The following BIRC6 variants were observed in gnomAD, a reference collection of about 807,000 sequenced individuals.
BIRC6 encodes baculoviral IAP repeat containing 6, also known as dual E2 ubiquitin-conjugating enzyme/E3 ubiquitin-protein ligase BIRC6.
A neutral mutation model predicts 503.3 loss-of-function variants in BIRC6; 98 were observed. That is an observed-to-expected ratio of 0.19 (90% CI 0.17 to 0.23). The LOEUF (loss-of-function observed/expected upper bound fraction) is 0.23, where lower values mean the gene tolerates loss of function less well. Among genes scored for constraint, BIRC6 ranks in the 10% least tolerant of loss-of-function variants. The pLI, the probability that BIRC6 is intolerant of heterozygous loss-of-function variation, is 1.00. For missense variants in BIRC6, 5,360 were observed against 5,806.0 expected (o/e 0.92, Z 2.50); for synonymous variants, 2,240 against 2,078.7 (o/e 1.08, Z -2.11).
chr2:32,489,111 G>A (rs2051368267), intron 42 of BIRC6, among the ~76,000 whole-genome samples: 1 of 152,034 alleles, frequency 6.6e-6, no homozygotes, highest in African/African-American at 2.4e-5. Context: ...GTTTCCTGTG[G>A]AAGTTGTGTG....
intron 51 of BIRC6, 102 bp from the exon 52 acceptor site, chr2:32,509,636 C>G (rs144078962): frequency 1.5e-6 from 2 of 1,308,992 alleles, no homozygotes; most frequent in Non-Finnish European, 2.1e-6. Context: ...TTGGTTAATG[C>G]TGTTTATGAA....
At chr2:32,461,943 C>T (rs1274521542) in intron 23 of BIRC6, among the ~76,000 whole-genome samples, 5 of 151,846 alleles carry the variant, frequency 3.3e-5, no homozygotes, top group East Asian at 1.9e-4. Flanking sequence ...AACACTATGC[C>T]CTTCATTGGC....
intron 65 of BIRC6, among the ~76,000 whole-genome samples, chr2:32,554,745 C>CTT (rs1053234761): frequency 8.1e-5 from 12 of 148,014 alleles, no homozygotes; most frequent in African/African-American, 3.0e-4. Context: ...GTTTAAAGCT[C>CTT]TTTTTTTTTT....
At chr2:32,574,372 C>T (rs1189676994) in intron 65 of BIRC6, among the ~76,000 whole-genome samples, 1 of 151,994 alleles carries the variant, frequency 6.6e-6, no homozygotes, top group Non-Finnish European at 1.5e-5. Flanking sequence ...CCCACCTTGG[C>T]CTCCCAAAGG....
intron 10 of BIRC6, among the ~76,000 whole-genome samples, chr2:32,416,642 A>G (rs2042401163): frequency 6.6e-6 from 1 of 152,084 alleles, no homozygotes; most frequent in Non-Finnish European, 1.5e-5. Context: ...TAGTTTTGCT[A>G]AATACATTTT....
intron 45 of BIRC6, among the ~76,000 whole-genome samples, chr2:32,494,330 C>T (rs568315338): frequency 8.6e-5 from 13 of 151,752 alleles, no homozygotes; most frequent in Admixed American, 3.9e-4. Context: ...TGGGTTGAAG[C>T]GATTCTCATG....
At chr2:32,449,352 G>T (rs1033460045) in intron 22 of BIRC6, among the ~76,000 whole-genome samples, 2 of 152,144 alleles carry the variant, frequency 1.3e-5, no homozygotes, top group Non-Finnish European at 2.9e-5. Context: ...ACAAACAAAA[G>T]ATAATTTTCT....
Position 32,439,752 on chromosome 2 carries a change from C to G in BIRC6, c.3810+66C>G, listed in dbSNP as rs537098828. ...AACATTGTGGATCAGATTTAACACACTATTAGAAGTAGTATGACCTTTCAG... is the reference window on the plus strand; with the variant it reads ...AACATTGTGGATCAGATTTAACACAGTATTAGAAGTAGTATGACCTTTCAG... On this transcript the variant is annotated intron_variant, in intron 16 of 73. Transcript: ENST00000421745. 6,664 of 1,421,642 alleles carry G rather than the reference C, an allele frequency of 4.7e-3. 23 individuals are homozygous for G. Among genetic ancestry groups the G allele is most frequent in the Non-Finnish European group, 5.5e-3 (5,711 of 1,031,020 alleles). 88.1% of individuals were successfully genotyped at this position (1,421,642 alleles called of 1,614,324 possible).
Position 32,599,844 on chromosome 2 carries a change from G to C in BIRC6, c.13936G>C (p.Glu4646Gln). ...CAGTTCACCCCCTCTTGTGAATCTA[G>C]AGACAACTGGTGGTCATAGCGTGCG... is the stretch of plus-strand genomic sequence containing the variant. ...YPSSPPLVNL[E>Q]TTGGHSVRFN... The change falls in exon 70 of 74, where the codon GAG becomes CAG. Residue 4646 changes from glutamate (E) to glutamine (Q), a missense_variant. Glu to Gln is a conservative substitution (Grantham distance 29). This residue lies in a region of BIRC6 where 66 missense variants were observed against 113.2 expected (regional missense o/e 0.58). Transcript: ENST00000421745. The C allele has an allele frequency of 6.2e-7, 1 of 1,613,910 alleles. No homozygotes were observed. Among genetic ancestry groups the C allele is most frequent in the Non-Finnish European group, 8.5e-7 (1 of 1,179,856 alleles).
intron 1 of BIRC6, among the ~76,000 whole-genome samples, chr2:32,376,658 T>C (rs952126378): frequency 3.9e-5 from 6 of 152,350 alleles, no homozygotes; most frequent in African/African-American, 1.4e-4. Context: ...TTTCAATGTA[T>C]GAATTGGAAA....
intron 61 of BIRC6, among the ~76,000 whole-genome samples, chr2:32,541,473 G>A (rs570142015): frequency 6.6e-6 from 1 of 152,016 alleles, no homozygotes; most frequent in African/African-American, 2.4e-5. Flanking sequence ...GTAAAAGAAG[G>A]AAGAAATAGT....
chr2:32,394,703 A>G (rs1241247660), intron 5 of BIRC6, among the ~76,000 whole-genome samples: 1 of 152,124 alleles, frequency 6.6e-6, no homozygotes, highest in African/African-American at 2.4e-5. Flanking sequence ...GTGTCATGAA[A>G]CACTTCTGTA....
Position 32,500,029 on chromosome 2 carries a change from T to C in BIRC6, c.8951T>C (p.Val2984Ala). Residue 2984 changes from valine (V) to alanine (A), a missense_variant, in exon 46 of 74, where the codon GTC (valine) becomes GCC (alanine). Physicochemically the swap from Val to Ala is moderately conservative, Grantham distance 64. This residue lies in a region of BIRC6 where 2,299 missense variants were observed against 2,267.2 expected (regional missense o/e 1.01). Transcript: ENST00000421745. ...TCGCCTGCATATGTTGCTGACTTAG[T>C]CTTAGCCAACCAACAAATTATGAGC... ...QGSPAYVADL[V>A]LANQQIMSQI... is the part of the protein sequence containing the mutation. 1.9e-6 allele frequency: 3 copies of C among 1,613,976 alleles called. No homozygotes were observed. The highest frequency in any genetic ancestry group is 2.5e-6 in the Non-Finnish European group (3 of 1,179,886).
intron 33 of BIRC6, among the ~76,000 whole-genome samples, chr2:32,473,732 TGTGTGTGTGTGTGTGTGTA>T (rs2049364901): frequency 7.1e-6 from 1 of 140,902 alleles, no homozygotes; most frequent in African/African-American, 2.7e-5. Context: ...TGTGTGTGTG[TGTGTGTGTGTGTGTGTGTA>T]TTTTTTTTTT....
In BIRC6 at chr2:32,442,076, G is replaced by A; in HGVS notation, c.3956G>A (p.Cys1319Tyr). The change falls in exon 18 of 74, where the codon TGT becomes TAT. Residue 1319 changes from cysteine to tyrosine, a missense_variant. Cys to Tyr is a radical substitution (Grantham distance 194, BLOSUM62 -2). Around this residue, in one of 16 missense-constraint regions of BIRC6, gnomAD observed 2,299 missense variants for 2,267.2 expected, o/e 1.01. Coordinates refer to ENST00000421745, the MANE Select transcript of BIRC6 (RefSeq NM_016252.4). ...TSISKERVQRCAMLQFSEFHE... is the reference protein window; with the variant it reads ...TSISKERVQRYAMLQFSEFHE... ...TTCTTTTTTTGTAGAGTGCAACGATGTGCCATGTTACAGTTTTCAGAATTT... is the reference window on the plus strand; with the variant it reads ...TTCTTTTTTTGTAGAGTGCAACGATATGCCATGTTACAGTTTTCAGAATTT... The A allele has an allele frequency of 1.3e-6, 2 of 1,578,166 alleles. No homozygotes were observed. Among genetic ancestry groups the A allele is most frequent in the Non-Finnish European group, 1.7e-6 (2 of 1,167,590 alleles).
chr2:32,492,588 A>T (rs747661718), intron 44 of BIRC6, among the ~76,000 whole-genome samples: 128 of 152,228 alleles, frequency 8.4e-4, no homozygotes, highest in Admixed American at 1.6e-3. Context: ...CATCAGCTAT[A>T]TTGCCCCAAA....
chr2:32,461,507 A>G (rs990540953), intron 23 of BIRC6, among the ~76,000 whole-genome samples: 2 of 151,672 alleles, frequency 1.3e-5, no homozygotes, highest in African/African-American at 2.4e-5. Flanking sequence ...TGCCTAGCCA[A>G]TTGCTCATTG....
At chr2:32,612,765 G>A (rs1291058789) in intron 73 of BIRC6, among the ~76,000 whole-genome samples, 1 of 152,172 alleles carries the variant, frequency 6.6e-6, no homozygotes, top group East Asian at 1.9e-4. Context: ...GGACTTCATT[G>A]TACTCTTCTG....
intron 63 of BIRC6, among the ~76,000 whole-genome samples, chr2:32,546,858 C>G (rs960747281): frequency 6.6e-6 from 1 of 152,060 alleles, no homozygotes; most frequent in Non-Finnish European, 1.5e-5. Flanking sequence ...GCAGGCAGAT[C>G]ACTTAAGGTC....
Sources: allele counts gnomAD v4.1 joint callset (sites outside exome capture counted in the v4.1 genomes callset), GRCh38; gene constraint gnomAD v4.1.1; regional missense constraint gnomAD v4.1.1; transcripts MANE v1.5; gene names NCBI Gene and HGNC (gene_info 2026-07-23, HGNC 2026-07-21).